Variants in SUMF1 observed in about 807,000 individuals in gnomAD.
SUMF1 encodes the protein sulfatase modifying factor 1.
SUMF1 carries 48 observed loss-of-function variants against 47.6 expected under a neutral mutation model. The observed-to-expected ratio is 1.01, with a 90% CI of 0.80 to 1.28. The LOEUF is 1.28. Ranked by LOEUF, SUMF1 falls within the 50% of genes most tolerant of loss-of-function variation. SUMF1 has a pLI of 0.00. For missense variants in SUMF1, 571 were observed against 485.4 expected (o/e 1.18, Z -1.66); for synonymous variants, 230 against 192.1 (o/e 1.20, Z -1.63).
chr3:4,361,358 G>T lies in SUMF1; in HGVS notation c.*786C>A, dbSNP rs558402043. The T allele has an allele frequency of 2.0e-5, 3 of 152,706 alleles. No homozygotes were observed. In the South Asian group the frequency reaches 6.2e-4, roughly 32 times the overall value. 9.5% of individuals were successfully genotyped at this position (152,706 alleles called of 1,614,324 possible). A position where few individuals can be genotyped will look rare whatever the true frequency, so the allele number is the denominator to read the frequency against. On this transcript the variant is annotated 3_prime_UTR_variant, in exon 9 of 9. Coordinates refer to ENST00000272902, the MANE Select transcript of SUMF1 (RefSeq NM_182760.4). ...ACGTTCGCTGAAGGCTTTGGGGAGA[G>T]GGGGAAACAGAGCTTATGACTGCCC...
At chr3:4,063,098 A>G (rs1396558576) in intron 9 of SUMF1, among the ~76,000 whole-genome samples, 1 of 152,120 alleles carries the variant, frequency 6.6e-6, no homozygotes, top group Non-Finnish European at 1.5e-5. Flanking sequence ...ACATATGCCA[A>G]TGCGATCTGA....
intron 9 of SUMF1, among the ~76,000 whole-genome samples, chr3:4,066,739 C>G (rs1005256308): frequency 1.2e-4 from 18 of 152,152 alleles, no homozygotes; most frequent in Non-Finnish European, 4.4e-5. Flanking sequence ...TGCAATATAA[C>G]AAAGCCTTAT....
At chr3:4,250,711 C>A (rs958080608) in intron 8 of SUMF1, among the ~76,000 whole-genome samples, 1 of 151,962 alleles carries the variant, frequency 6.6e-6, no homozygotes, top group Non-Finnish European at 1.5e-5. Context: ...ATCTTAGGGC[C>A]CTTAAGAATT....
intron 3 of SUMF1, among the ~76,000 whole-genome samples, chr3:4,427,932 G>A (rs78553046): frequency 0.018 from 2,699 of 152,118 alleles, 28 homozygotes; most frequent in African/African-American, 0.024. Flanking sequence ...TCAGGGCAGG[G>A]GGAACTGATT....
At chr3:4,223,875 A>T (rs148167882) in intron 8 of SUMF1, among the ~76,000 whole-genome samples, 3 of 152,270 alleles carry the variant, frequency 2.0e-5, no homozygotes, top group African/African-American at 4.8e-5. Flanking sequence ...CAACTGTGCG[A>T]CCTGGAACAA....
intron 8 of SUMF1, among the ~76,000 whole-genome samples, chr3:4,183,840 C>T (rs1024387953): frequency 3.5e-4 from 53 of 152,010 alleles, no homozygotes; most frequent in African/African-American, 1.2e-3. Flanking sequence ...TAATGGGCTA[C>T]TTTATAAGTA....
chr3:4,254,869 G>T (rs1205987173), intron 8 of SUMF1, among the ~76,000 whole-genome samples: 2 of 152,038 alleles, frequency 1.3e-5, no homozygotes, highest in Non-Finnish European at 2.9e-5. Context: ...AGAGAGAAAG[G>T]TCGGGTTACC....
At chr3:4,068,559 T>C in intron 9 of SUMF1, 1 of 316,810 alleles carries the variant, frequency 3.2e-6, no homozygotes, top group South Asian at 2.6e-5. Context: ...AGTGTGTATT[T>C]TGTACTTACA....
At chr3:4,213,431 A>G (rs1695843981) in intron 8 of SUMF1, among the ~76,000 whole-genome samples, 1 of 152,202 alleles carries the variant, frequency 6.6e-6, no homozygotes, top group Admixed American at 6.5e-5. Flanking sequence ...ATGGAAAGGA[A>G]CAACCAGTTC....
intron 8 of SUMF1, among the ~76,000 whole-genome samples, chr3:4,317,856 T>TA (rs1698725555): frequency 6.6e-6 from 1 of 152,156 alleles, no homozygotes; most frequent in African/African-American, 2.4e-5. Context: ...ATTCAATAAA[T>TA]GTAAATTATT....
chr3:4,092,306 T>G (rs1692805618), intron 8 of SUMF1, among the ~76,000 whole-genome samples: 1 of 151,994 alleles, frequency 6.6e-6, no homozygotes, highest in African/African-American at 2.4e-5. Flanking sequence ...AGATCCCAAT[T>G]CTCTATCCAG....
At chr3:4,180,544 G>T (rs1695071237) in intron 8 of SUMF1, among the ~76,000 whole-genome samples, 1 of 152,052 alleles carries the variant, frequency 6.6e-6, no homozygotes, top group Non-Finnish European at 1.5e-5. Flanking sequence ...GGCCTGTCAT[G>T]GGGTGGGGGG....
At chr3:4,344,239 C>A (rs568580980) in intron 8 of SUMF1, among the ~76,000 whole-genome samples, 1 of 151,866 alleles carries the variant, frequency 6.6e-6, no homozygotes, top group Non-Finnish European at 1.5e-5. Context: ...TGTGGTGTGG[C>A]GGCCACCCTG....
intron 8 of SUMF1, among the ~76,000 whole-genome samples, chr3:4,231,912 T>C (rs978938432): frequency 6.6e-6 from 1 of 152,168 alleles, no homozygotes; most frequent in Admixed American, 6.5e-5. Context: ...ATTCATTACA[T>C]GTTTTATTAA....
At chr3:4,446,856 A>G (rs914108815) in intron 3 of SUMF1, among the ~76,000 whole-genome samples, 8 of 152,246 alleles carry the variant, frequency 5.3e-5, no homozygotes, top group South Asian at 2.1e-4. Context: ...AAGGGGAAGC[A>G]ACACAATGAA....
chr3:4,424,725 A>T (rs1702014368), intron 3 of SUMF1, among the ~76,000 whole-genome samples: 1 of 152,272 alleles, frequency 6.6e-6, no homozygotes, highest in Non-Finnish European at 1.5e-5. Context: ...CCTATAGAAT[A>T]CACATTTGAT....
intron 8 of SUMF1, chr3:4,317,609 C>T (rs567535650): frequency 2.5e-5 from 4 of 157,398 alleles, no homozygotes; most frequent in Admixed American, 2.5e-4. Flanking sequence ...AAGAACAAAG[C>T]TTTTCTTTAA....
chr3:4,303,531 G>T, intron 8 of SUMF1: 1 of 1,394,514 alleles, frequency 7.2e-7, no homozygotes, highest in Non-Finnish European at 9.3e-7. Flanking sequence ...TTCCAGGTAG[G>T]GGCGGGGCCA....
At chr3:4,277,618 G>A (rs1242268596) in intron 8 of SUMF1, among the ~76,000 whole-genome samples, 2 of 152,022 alleles carry the variant, frequency 1.3e-5, no homozygotes, top group African/African-American at 4.8e-5. Flanking sequence ...AATGAAAAAC[G>A]TTTATAATCT....
Sources: gnomAD v4.1 joint callset for allele counts (sites outside exome capture counted in the v4.1 genomes callset) on GRCh38, gnomAD v4.1.1 for gene constraint, MANE v1.5 for transcripts, NCBI Gene and HGNC (gene_info 2026-07-23, HGNC 2026-07-21) for gene names.